Variants in MAGI2 observed in about 807,000 individuals in gnomAD.
The protein encoded by MAGI2 is membrane-associated guanylate kinase, WW and PDZ domain-containing protein 2.
A neutral mutation model predicts 133.3 loss-of-function variants in MAGI2; 35 were observed. The ratio of observed to expected loss-of-function variants is 0.26; its 90% CI spans 0.20 to 0.35. MAGI2 has a LOEUF of 0.35. Ranked by LOEUF, MAGI2 falls within the 10% of genes least tolerant of loss-of-function variation. The pLI, the probability that MAGI2 is intolerant of heterozygous loss-of-function variation, is 1.00. For missense variants in MAGI2, 1,636 were observed against 1,863.4 expected (o/e 0.88, Z 2.25); for synonymous variants, 729 against 710.6 (o/e 1.03, Z -0.41).
At chr7:78,294,724 C>A (rs1002350380) in intron 9 of MAGI2, among the ~76,000 whole-genome samples, 5 of 152,078 alleles carry the variant, frequency 3.3e-5, no homozygotes, top group African/African-American at 7.2e-5. Flanking sequence ...ATTTACTGAG[C>A]CTTTGCTGTG....
intron 1 of MAGI2, among the ~76,000 whole-genome samples, chr7:79,015,841 G>A (rs1808649044): frequency 6.6e-6 from 1 of 152,058 alleles, no homozygotes; most frequent in African/African-American, 2.4e-5. Flanking sequence ...ATGAGAGATG[G>A]GGACATTGGG....
intron 3 of MAGI2, among the ~76,000 whole-genome samples, chr7:78,551,272 C>T (rs529037205): frequency 6.6e-6 from 1 of 152,308 alleles, no homozygotes; most frequent in East Asian, 1.9e-4. Flanking sequence ...GTTTAAATGG[C>T]TGTGGTTAAT....
At chr7:79,047,772 A>G (rs1812313452) in intron 1 of MAGI2, among the ~76,000 whole-genome samples, 1 of 152,190 alleles carries the variant, frequency 6.6e-6, no homozygotes, top group Admixed American at 6.5e-5. Flanking sequence ...CCTGATTATA[A>G]GGGTCTCTAA....
chr7:78,441,654 G>GAA (rs5885063), intron 6 of MAGI2, among the ~76,000 whole-genome samples: 125 of 146,602 alleles, frequency 8.5e-4, no homozygotes, highest in African/African-American at 1.8e-3. Context: ...TAATTTTAAG[G>GAA]AAAAAAAAAA....
chr7:79,107,792 T>G (rs556681345), intron 1 of MAGI2, among the ~76,000 whole-genome samples: 1 of 152,316 alleles, frequency 6.6e-6, no homozygotes, highest in Admixed American at 6.5e-5. Flanking sequence ...AGTCTTTGAT[T>G]GCTCTTTAAC....
chr7:78,386,273 CA>C (rs949347636), intron 6 of MAGI2, among the ~76,000 whole-genome samples: 1 of 151,710 alleles, frequency 6.6e-6, no homozygotes, highest in Non-Finnish European at 1.5e-5. Flanking sequence ...TATAATAATG[CA>C]AAAAAAGTAG....
intron 1 of MAGI2, among the ~76,000 whole-genome samples, chr7:79,399,132 T>C (rs1269419527): frequency 6.8e-6 from 1 of 147,940 alleles, no homozygotes; most frequent in Admixed American, 6.7e-5. Flanking sequence ...CCTCACTCTG[T>C]GGCCCAGACT....
intron 6 of MAGI2, among the ~76,000 whole-genome samples, chr7:78,401,939 TC>T (rs1796909513): frequency 6.6e-6 from 1 of 151,930 alleles, no homozygotes; most frequent in South Asian, 2.1e-4. Flanking sequence ...GCTTTTTTTT[TC>T]AATGTGTTTC....
At chr7:79,162,860 T>C (rs1316472248) in intron 1 of MAGI2, among the ~76,000 whole-genome samples, 2 of 152,040 alleles carry the variant, frequency 1.3e-5, no homozygotes, top group African/African-American at 4.8e-5. Context: ...AATAAGTCAG[T>C]CTTATAACTT....
intron 10 of MAGI2, among the ~76,000 whole-genome samples, chr7:78,233,184 C>T (rs1790157557): frequency 1.3e-5 from 2 of 151,926 alleles, no homozygotes; most frequent in Non-Finnish European, 2.9e-5. Flanking sequence ...TGTGGGTGGT[C>T]ATGATTGTGG....
intron 1 of MAGI2, among the ~76,000 whole-genome samples, chr7:79,427,446 C>A (rs1847466641): frequency 6.6e-6 from 1 of 152,028 alleles, no homozygotes; most frequent in Admixed American, 6.6e-5. Flanking sequence ...AGGTGTCATG[C>A]AATAAGTGAT....
intron 2 of MAGI2, among the ~76,000 whole-genome samples, chr7:78,867,630 T>C (rs1200488448): frequency 6.6e-6 from 1 of 151,434 alleles, no homozygotes; most frequent in Non-Finnish European, 1.5e-5. Context: ...AGCATGGCAA[T>C]GTATACATAT....
intron 6 of MAGI2, among the ~76,000 whole-genome samples, chr7:78,373,319 A>G (rs1469899070): frequency 6.6e-6 from 1 of 152,224 alleles, no homozygotes; most frequent in East Asian, 1.9e-4. Context: ...ATCTTGAACC[A>G]GAAGAAGGAC....
chr7:78,222,950 T>G (rs1205443971), intron 10 of MAGI2, among the ~76,000 whole-genome samples: 1 of 152,164 alleles, frequency 6.6e-6, no homozygotes, highest in South Asian at 2.1e-4. Flanking sequence ...TACCCAGGGC[T>G]GAAGAGATAA....
chr7:78,151,782 C>A lies in MAGI2; in HGVS notation c.2845+8243G>T, dbSNP rs141320138. On this transcript the variant is annotated intron_variant, in intron 16 of 21. Transcript: ENST00000354212. The stretch of plus-strand genomic sequence containing the variant: ...TCCCCTAAGTGATCCTCTACTGCAT[C>A]GCCCATTGTCAAAAATATGTCACGC... Among the ~76,000 whole-genome samples, 684 of 152,270 alleles carry A rather than the reference C, an allele frequency of 4.5e-3. 2 individuals carry two copies. The highest frequency in any genetic ancestry group is 0.015 in the African/African-American group (638 of 41,544).
intron 2 of MAGI2, among the ~76,000 whole-genome samples, chr7:78,662,720 T>C (rs913544536): frequency 1.3e-5 from 2 of 152,206 alleles, no homozygotes; most frequent in Non-Finnish European, 2.9e-5. Flanking sequence ...AATTATATGT[T>C]AGTACTGTAT....
At chr7:79,166,687 C>T (rs1358037464) in intron 1 of MAGI2, among the ~76,000 whole-genome samples, 1 of 152,006 alleles carries the variant, frequency 6.6e-6, no homozygotes, top group African/African-American at 2.4e-5. Context: ...GGGAAAAATC[C>T]TTATCTTTAG....
chr7:79,333,859 A>T (rs1479504028), intron 1 of MAGI2, among the ~76,000 whole-genome samples: 1 of 152,224 alleles, frequency 6.6e-6, no homozygotes, highest in Non-Finnish European at 1.5e-5. Context: ...TAATAGTAGC[A>T]GGTCACTGTA....
chr7:78,373,394 T>C (rs954730368), intron 6 of MAGI2, among the ~76,000 whole-genome samples: 44 of 152,186 alleles, frequency 2.9e-4, no homozygotes, highest in African/African-American at 1.0e-3. Context: ...TATACGGATG[T>C]TAATTTCCTG....
Sources: gnomAD v4.1 joint callset for allele counts (sites outside exome capture counted in the v4.1 genomes callset) on GRCh38, gnomAD v4.1.1 for gene constraint, MANE v1.5 for transcripts, NCBI Gene and HGNC (gene_info 2026-07-23, HGNC 2026-07-21) for gene names.